The following DNAH3 variants were observed in gnomAD, a reference collection of about 807,000 sequenced individuals.
The protein encoded by DNAH3 is dynein axonemal heavy chain 3.
DNAH3 carries 332 observed loss-of-function variants against 432.5 expected under a neutral mutation model. The ratio of observed to expected loss-of-function variants is 0.77; its 90% CI spans 0.70 to 0.84. The LOEUF (loss-of-function observed/expected upper bound fraction) is 0.84, where lower values mean the gene tolerates loss of function less well. DNAH3 is among the 40% of genes least tolerant of loss of function. The probability of loss-of-function intolerance (pLI) is 0.00; values close to 1 mark genes in which losing one functional copy is unlikely to be tolerated. For synonymous variants in DNAH3, 1,956 were observed against 1,900.2 expected, an observed-to-expected ratio of 1.03 and a Z score of -0.76; for missense variants, 4,861 against 5,114.0, an observed-to-expected ratio of 0.95 and a Z score of 1.51.
chr16:21,018,563 T>C (rs2087980060), intron 41 of DNAH3, among the ~76,000 whole-genome samples: 1 of 152,174 alleles, frequency 6.6e-6, no homozygotes, highest in South Asian at 2.1e-4. Flanking sequence ...GAAGACAATG[T>C]ATGTAGTGAA....
intron 49 of DNAH3, among the ~76,000 whole-genome samples, chr16:20,980,265 T>TA (rs1356506403): frequency 6.0e-5 from 8 of 132,544 alleles, no homozygotes; most frequent in African/African-American, 1.1e-4. Flanking sequence ...ATATATTATA[T>TA]TATAATATAC....
chr16:20,939,250 C>A (rs1240804307), intron 59 of DNAH3, among the ~76,000 whole-genome samples: 5 of 152,154 alleles, frequency 3.3e-5, no homozygotes, highest in African/African-American at 1.2e-4. Context: ...ACAGAGGTGG[C>A]CTCGTCCTAG....
At chr16:21,112,461 C>T (rs2092097933) in intron 12 of DNAH3, among the ~76,000 whole-genome samples, 1 of 151,872 alleles carries the variant, frequency 6.6e-6, no homozygotes, top group African/African-American at 2.4e-5. Context: ...TGGTGGGAGG[C>T]AAAAGACACG....
chr16:20,935,483 T>C (rs770759073), exon 61 of DNAH3: 1 of 1,609,554 alleles, frequency 6.2e-7, no homozygotes, highest in South Asian at 1.1e-5. Context: ...TGTCAATCCA[T>C]TCCTGGAGAG....
At chr16:21,145,087 G>T in intron 3 of DNAH3, 94 bp downstream of exon 4, 2 of 1,123,946 alleles carry the variant, frequency 1.8e-6, no homozygotes, top group Non-Finnish European at 2.6e-6. Context: ...ACTCCAGCCT[G>T]GGCGACAGAG....
Position 21,051,878 on chromosome 16 carries a change from C to T in DNAH3, c.4040-10G>A. ...GCCACCACGTCGCGGGCTGTTGGGA[C>T]ACAGATGCAGAAACACGCACACAGA... On this transcript the variant is annotated splice_polypyrimidine_tract_variant and intron_variant, in intron 28 of 61. Coordinates refer to ENST00000261383, the Ensembl canonical transcript of DNAH3. 6.2e-7 allele frequency: 1 copy of T among 1,613,792 alleles called. No individual in the cohort carries two copies. The highest frequency in any genetic ancestry group is 2.2e-5 in the East Asian group (1 of 44,882).
chr16:21,073,719 G>C (rs896058723), intron 21 of DNAH3, among the ~76,000 whole-genome samples: 2 of 152,122 alleles, frequency 1.3e-5, no homozygotes, highest in Non-Finnish European at 2.9e-5. Context: ...ATAAAATCCT[G>C]AAATATCACT....
chr16:20,953,360 T>C (rs990296238), intron 55 of DNAH3, among the ~76,000 whole-genome samples: 1 of 152,104 alleles, frequency 6.6e-6, no homozygotes, highest in African/African-American at 2.4e-5. Context: ...GGATTCGCCA[T>C]GTTGGCCAGG....
At chr16:21,026,700 C>CAAAAAA (rs35667454) in intron 38 of DNAH3, among the ~76,000 whole-genome samples, 4 of 47,786 alleles carry the variant, frequency 8.4e-5, no homozygotes, top group East Asian at 1.4e-3. Flanking sequence ...TACTCCGTCT[C>CAAAAAA]AAAAAAAAAA....
intron 41 of DNAH3, among the ~76,000 whole-genome samples, chr16:21,004,355 C>T (rs1172615502): frequency 6.6e-6 from 1 of 151,928 alleles, no homozygotes; most frequent in East Asian, 1.9e-4. Flanking sequence ...AGTCTCTCTT[C>T]CTTTCTTTCT....
At chr16:20,981,955 C>T (rs1338098094) in intron 49 of DNAH3, among the ~76,000 whole-genome samples, 2 of 147,450 alleles carry the variant, frequency 1.4e-5, no homozygotes, top group African/African-American at 2.5e-5. Flanking sequence ...GTATAAAGCA[C>T]ATATATTATA....
At chr16:21,140,464 T>C (rs1239127871) in intron 5 of DNAH3, 72 bp downstream of exon 6, 2 of 1,492,672 alleles carry the variant, frequency 1.3e-6, no homozygotes, top group Non-Finnish European at 1.8e-6. Context: ...CTGTTCTCCC[T>C]GAATTTAGAA....
In DNAH3 at chr16:20,965,138, C is replaced by G. The variant is rs139203532; in HGVS notation, c.8746G>C (p.Ala2916Pro). 3.1e-6 allele frequency: 5 copies of G among 1,614,176 alleles called. No individual in the cohort carries two copies. The South Asian group carries it at 4.4e-5, about 14-fold the overall frequency. The change falls in exon 53 of 62, where the codon GCT becomes CCT. Residue 2916 changes from alanine to proline, a missense_variant. By Grantham distance (27) the Ala-to-Pro change is conservative. Transcript: ENST00000261383. ...TGGTTCAGCTTCTGCATCTGTGCAG[C>G]CAGCTTCCCCTCTGCCTCCCTCAGT...
At chr16:21,140,764 G>A (rs1173374818) in intron 4 of DNAH3, 54 bp from the exon 6 acceptor site, 10 of 1,564,520 alleles carry the variant, frequency 6.4e-6, no homozygotes, top group Non-Finnish European at 8.7e-6. Context: ...GAGAGGTGCT[G>A]TGGTGTTGCC....
intron 54 of DNAH3, among the ~76,000 whole-genome samples, chr16:20,956,341 A>G (rs75286995): frequency 0.01 from 1,536 of 152,310 alleles, 29 homozygotes; most frequent in African/African-American, 0.034. Flanking sequence ...AGCTAGTATT[A>G]AACAGTGACC....
exon 53 of DNAH3, chr16:20,965,200 T>C: frequency 6.2e-7 from 1 of 1,614,066 alleles, no homozygotes; most frequent in Non-Finnish European, 8.5e-7. Flanking sequence ...GGCCACGCGA[T>C]CGTACACCTC....
intron 31 of DNAH3, among the ~76,000 whole-genome samples, chr16:21,046,959 T>C (rs1486557696): frequency 6.6e-6 from 1 of 151,546 alleles, no homozygotes; most frequent in African/African-American, 2.4e-5. Context: ...GGATATGAAA[T>C]TCTGGGTTGA....
chr16:21,060,144 G>C, intron 26 of DNAH3, 120 bp downstream of exon 26: 1 of 760,726 alleles, frequency 1.3e-6, no homozygotes, highest in East Asian at 2.5e-5. Flanking sequence ...GAGAGGTGCA[G>C]AGGGACAGGT....
intron 52 of DNAH3, 66 bp from the exon 53 acceptor site, chr16:20,965,491 T>A: frequency 7.6e-7 from 1 of 1,313,974 alleles, no homozygotes; most frequent in Non-Finnish European, 1.0e-6. Context: ...AATTCTGCAG[T>A]GGTTACTGCT....
Sources: allele counts gnomAD v4.1 joint callset (sites outside exome capture counted in the v4.1 genomes callset), GRCh38; gene constraint gnomAD v4.1.1; transcripts MANE v1.5; gene names NCBI Gene and HGNC (gene_info 2026-07-23, HGNC 2026-07-21).